The following SHANK2 variants were observed in gnomAD, a reference collection of about 807,000 sequenced individuals.
SHANK2 encodes the protein SH3 and multiple ankyrin repeat domains protein 2.
A neutral mutation model predicts 133.7 loss-of-function variants in SHANK2; 43 were observed. The ratio of observed to expected loss-of-function variants is 0.32; its 90% CI spans 0.25 to 0.41. The LOEUF is 0.41. SHANK2 is among the 10% of genes least tolerant of loss of function. The pLI is 1.00. For missense variants in SHANK2, 1,994 were observed against 2,235.8 expected, an observed-to-expected ratio of 0.89 and a Z score of 2.18; for synonymous variants, 1,017 against 952.8, an observed-to-expected ratio of 1.07 and a Z score of -1.24.
intron 10 of SHANK2, among the ~76,000 whole-genome samples, chr11:70,951,409 T>G (rs143732763): frequency 5.8e-4 from 75 of 128,782 alleles, no homozygotes; most frequent in African/African-American, 2.4e-3. Flanking sequence ...GCTGTTGCAT[T>G]GTGACATCAT....
At chr11:70,595,465 C>T (rs1333697481) in intron 17 of SHANK2, among the ~76,000 whole-genome samples, 1 of 152,234 alleles carries the variant, frequency 6.6e-6, no homozygotes, top group Non-Finnish European at 1.5e-5. Context: ...GCCTATGAGG[C>T]TCACCCAGCT....
rs887073566 is a variant in SHANK2 at position 71,056,147 on chromosome 11, A to G, written c.1107+334T>C. 7.5e-3 allele frequency among the ~76,000 whole-genome samples: 1,139 copies of G among 152,214 alleles called. 12 individuals are homozygous for G. Among genetic ancestry groups the G allele is most frequent in the African/African-American group, 0.026 (1,088 of 41,550 alleles). ...ATCCTCAGGAAGCTTGTCCCACTGG[A>G]TGGAGGGGCGGCAGAGCCAGCATCT... On this transcript the variant is annotated intron_variant, in intron 10 of 25. Coordinates refer to ENST00000601538, the MANE Select transcript of SHANK2 (RefSeq NM_012309.5).
At chr11:70,509,360 C>T (rs532155555) in intron 17 of SHANK2, among the ~76,000 whole-genome samples, 6 of 152,384 alleles carry the variant, frequency 3.9e-5, no homozygotes, top group African/African-American at 7.2e-5. Flanking sequence ...CTTGGTCCCA[C>T]GACCTCCCCC....
chr11:70,777,994 G>A (rs1377379320), intron 14 of SHANK2, among the ~76,000 whole-genome samples: 1 of 152,200 alleles, frequency 6.6e-6, no homozygotes, highest in Admixed American at 6.5e-5. Flanking sequence ...GCTGAGGAAG[G>A]AGAATAATGA....
chr11:70,710,090 C>T (rs1405805411), intron 14 of SHANK2, among the ~76,000 whole-genome samples: 1 of 152,160 alleles, frequency 6.6e-6, no homozygotes, highest in Non-Finnish European at 1.5e-5. Context: ...TCAAAACCCA[C>T]CACCACCTTT....
intron 6 of SHANK2, among the ~76,000 whole-genome samples, chr11:71,105,454 G>T (rs571604195): frequency 6.6e-6 from 1 of 151,942 alleles, no homozygotes; most frequent in East Asian, 1.9e-4. Flanking sequence ...TTAGTTGGGC[G>T]TGGTGGTGCA....
chr11:71,066,877 C>G (rs1480662648), intron 9 of SHANK2, among the ~76,000 whole-genome samples: 1 of 152,134 alleles, frequency 6.6e-6, no homozygotes, highest in Admixed American at 6.5e-5. Flanking sequence ...TAAGTACGAA[C>G]ACACCCCTCA....
chr11:70,533,978 T>C (rs1342050331), intron 17 of SHANK2, among the ~76,000 whole-genome samples: 5 of 152,218 alleles, frequency 3.3e-5, no homozygotes, highest in Non-Finnish European at 5.9e-5. Context: ...TTCCACTGCA[T>C]GGGTGCCCAT....
chr11:70,741,998 C>T (rs1274814438), intron 14 of SHANK2, among the ~76,000 whole-genome samples: 20 of 152,218 alleles, frequency 1.3e-4, no homozygotes, highest in African/African-American at 4.8e-4. Context: ...CCTGCTGCCC[C>T]AGCTACAGGA....
At chr11:71,113,240 C>A in intron 5 of SHANK2, 53 bp downstream of exon 5, 1 of 1,464,982 alleles carries the variant, frequency 6.8e-7, no homozygotes, top group Non-Finnish European at 9.4e-7. Context: ...AACAAGATAA[C>A]AAGGAGGACG....
intron 2 of SHANK2, among the ~76,000 whole-genome samples, chr11:71,159,161 G>T (rs147988509): frequency 6.6e-6 from 1 of 152,222 alleles, no homozygotes; most frequent in Non-Finnish European, 1.5e-5. Flanking sequence ...ATGAGTTTAT[G>T]GGGCTAAAGC....
At chr11:71,186,076 C>T (rs1357954698) in intron 2 of SHANK2, among the ~76,000 whole-genome samples, 3 of 152,236 alleles carry the variant, frequency 2.0e-5, no homozygotes, top group Non-Finnish European at 4.4e-5. Context: ...ATGGAAAATA[C>T]ACTGGTACAG....
At chr11:71,063,789 A>G (rs967556926) in intron 9 of SHANK2, among the ~76,000 whole-genome samples, 4 of 152,212 alleles carry the variant, frequency 2.6e-5, no homozygotes, top group African/African-American at 9.6e-5. Flanking sequence ...ATCAAGAAGA[A>G]TATCATTTTC....
rs566053753 is a variant in SHANK2 at position 70,944,642 on chromosome 11, CCT to C, written c.1108-48077_1108-48076del. Among the ~76,000 whole-genome samples, 66 of 152,254 alleles carry C rather than the reference CCT, an allele frequency of 4.3e-4. 1 individual carries two copies. Among genetic ancestry groups the C allele is most frequent in the African/African-American group, 1.5e-3 (62 of 41,534 alleles). ...TAAGATTGCGTTTCTGTTTCTATTC[CCT>C]GAGTTCTGAGCTTTTAGGACCTCCA... On this transcript the variant is annotated intron_variant, in intron 10 of 25. Transcript: ENST00000601538.
intron 11 of SHANK2, among the ~76,000 whole-genome samples, chr11:70,885,206 C>CGGGG (rs1949720238): frequency 6.6e-6 from 1 of 152,176 alleles, no homozygotes; most frequent in Non-Finnish European, 1.5e-5. Flanking sequence ...GGGAACCGCG[C>CGGGG]AGGGACCGCA....
intron 10 of SHANK2, among the ~76,000 whole-genome samples, chr11:70,931,930 C>T (rs1208522997): frequency 6.6e-6 from 1 of 152,200 alleles, no homozygotes; most frequent in African/African-American, 2.4e-5. Flanking sequence ...GAAATCCTAG[C>T]AATTCGAAAT....
intron 11 of SHANK2, among the ~76,000 whole-genome samples, chr11:70,889,847 G>C (rs2135621594): frequency 6.6e-6 from 1 of 152,314 alleles, no homozygotes; most frequent in East Asian, 1.9e-4. Flanking sequence ...AACATAGAAG[G>C]CTCCTGGGAA....
At chr11:70,552,484 C>T (rs1405660169) in intron 17 of SHANK2, among the ~76,000 whole-genome samples, 2 of 152,220 alleles carry the variant, frequency 1.3e-5, no homozygotes. Context: ...TTAATCCCAA[C>T]AGCAAGCGAT....
rs560388079 is a variant in SHANK2 at position 70,912,193 on chromosome 11, C to T, written c.1108-15626G>A. 1.2e-3 allele frequency among the ~76,000 whole-genome samples: 188 copies of T among 151,026 alleles called. 1 individual carries two copies. The highest frequency in any genetic ancestry group is 2.0e-3 in the Non-Finnish European group (139 of 67,906). ...GGTGGTGGTGACACTTACCACGTGA[C>T]CTTATGCAAGCAGAAAATATTTTAC... On this transcript the variant is annotated intron_variant, in intron 10 of 25. Coordinates refer to ENST00000601538, the MANE Select transcript of SHANK2 (RefSeq NM_012309.5).
Sources: gnomAD v4.1 joint callset for allele counts (sites outside exome capture counted in the v4.1 genomes callset) on GRCh38, gnomAD v4.1.1 for gene constraint, MANE v1.5 for transcripts, NCBI Gene and HGNC (gene_info 2026-07-23, HGNC 2026-07-21) for gene names.